RPTOR: variants seen among roughly 807,000 people sequenced by gnomAD.
RPTOR encodes the protein regulatory associated protein of MTOR complex 1.
RPTOR carries 21 observed loss-of-function variants against 169.9 expected under a neutral mutation model. The observed-to-expected ratio is 0.12, with a 90% CI of 0.09 to 0.18. The LOEUF (loss-of-function observed/expected upper bound fraction) is 0.18, where lower values mean the gene tolerates loss of function less well. Ranked by LOEUF, RPTOR falls within the 10% of genes least tolerant of loss-of-function variation. The pLI is 1.00. For missense variants in RPTOR, 1,133 were observed against 1,855.9 expected (o/e 0.61, Z 7.16); for synonymous variants, 732 against 753.2 (o/e 0.97, Z 0.46).
chr17:80,761,015 T>C (rs905704920), intron 6 of RPTOR, among the ~76,000 whole-genome samples: 2 of 152,248 alleles, frequency 1.3e-5, no homozygotes, highest in African/African-American at 4.8e-5. Flanking sequence ...GCCTGTCTTT[T>C]TCATTTTTGG....
In RPTOR at chr17:80,925,165, G is replaced by A. The variant is rs565435023; in HGVS notation, c.2809-205G>A. 9.9e-5 allele frequency among the ~76,000 whole-genome samples: 15 copies of A among 152,284 alleles called. No homozygotes were observed. In the East Asian group the frequency reaches 2.7e-3, roughly 27 times the overall value. On this transcript the variant is annotated intron_variant, in intron 23 of 33. Transcript: ENST00000306801. ...CGACGTGGCTCACACTTCACAGCCC[G>A]GGCCCCTCAATCCCTGGCCAGACGT... is the stretch of plus-strand genomic sequence containing the variant.
chr17:80,882,629 A>G (rs2068198383), intron 14 of RPTOR, among the ~76,000 whole-genome samples: 1 of 152,238 alleles, frequency 6.6e-6, no homozygotes, highest in Non-Finnish European at 1.5e-5. Context: ...CCCACAGACC[A>G]TGGCTAGAAA....
At chr17:80,700,925 T>A (rs2143061766) in intron 3 of RPTOR, among the ~76,000 whole-genome samples, 2 of 151,946 alleles carry the variant, frequency 1.3e-5, no homozygotes, top group Middle Eastern at 3.4e-3. Flanking sequence ...GTGGATGGAC[T>A]CAGTCAGGAT....
intron 25 of RPTOR, among the ~76,000 whole-genome samples, chr17:80,942,466 G>T (rs2069044235): frequency 1.3e-5 from 2 of 151,710 alleles, no homozygotes; most frequent in African/African-American, 4.9e-5. Flanking sequence ...CAAAGGAGGA[G>T]CTGCTGAGCC....
chr17:80,714,641 G>A (rs2066224930), intron 4 of RPTOR, among the ~76,000 whole-genome samples: 1 of 152,182 alleles, frequency 6.6e-6, no homozygotes, highest in South Asian at 2.1e-4. Context: ...AAATTTATAG[G>A]ATTTAGGTGT....
chr17:80,912,382 AT>A (rs1389934469), intron 21 of RPTOR, among the ~76,000 whole-genome samples: 1 of 152,152 alleles, frequency 6.6e-6, no homozygotes, highest in African/African-American at 2.4e-5. Flanking sequence ...CTTCTTGGGT[AT>A]TTTGATCATG....
chr17:80,833,150 C>T (rs954989514), intron 9 of RPTOR, among the ~76,000 whole-genome samples: 19 of 152,148 alleles, frequency 1.2e-4, no homozygotes, highest in African/African-American at 4.3e-4. Context: ...GGAGGCTGTG[C>T]GGACTTGGAC....
chr17:80,914,822 G>C (rs1471612810), intron 21 of RPTOR, among the ~76,000 whole-genome samples: 2 of 152,258 alleles, frequency 1.3e-5, no homozygotes, highest in East Asian at 3.8e-4. Flanking sequence ...GCAGGAGGCA[G>C]ACAGGGTCCT....
chr17:80,556,192 C>A lies in RPTOR; in HGVS notation c.162+10401C>A, dbSNP rs375126774. Among the ~76,000 whole-genome samples the A allele has an allele frequency of 5.8e-4, 88 of 152,102 alleles. 2 individuals are homozygous for A. In the South Asian group the frequency reaches 0.018, roughly 31 times the overall value. On this transcript the variant is annotated intron_variant, in intron 1 of 33. Transcript: ENST00000306801. ...AGAATTCTGTCTCACCTCTCCAATC[C>A]CTCTACTCCATCCACAGACAATAAG... is the stretch of plus-strand genomic sequence containing the variant.
chr17:80,869,350 G>A (rs1357939336), intron 13 of RPTOR, among the ~76,000 whole-genome samples: 2 of 152,020 alleles, frequency 1.3e-5, no homozygotes, highest in Non-Finnish European at 2.9e-5. Context: ...AGTGGACGAG[G>A]TTTCCCATGT....
Position 80,562,333 on chromosome 17 carries a change from C to T in RPTOR, c.162+16542C>T, listed in dbSNP as rs1313102002. Among the ~76,000 whole-genome samples the T allele has an allele frequency of 1.3e-5, 2 of 152,220 alleles. No homozygotes were observed. The highest frequency in any genetic ancestry group is 2.9e-5 in the Non-Finnish European group (2 of 68,044). On this transcript the variant is annotated intron_variant, in intron 1 of 33. Coordinates refer to ENST00000306801, the MANE Select transcript of RPTOR (RefSeq NM_020761.3). The surrounding 1 kb of genome is among the most constrained non-coding windows in gnomAD (Gnocchi z 4.4). Reference sequence around the variant, plus strand: ...TTGAAATTGTTGCCTAAAACGATCGCTGATCTTGTGCCCCTCAGTGTGTGG... The same window carrying T: ...TTGAAATTGTTGCCTAAAACGATCGTTGATCTTGTGCCCCTCAGTGTGTGG...
chr17:80,918,628 C>T (rs1389998031), intron 21 of RPTOR, among the ~76,000 whole-genome samples: 1 of 152,168 alleles, frequency 6.6e-6, no homozygotes, highest in Non-Finnish European at 1.5e-5. Flanking sequence ...CCAGCTTTGC[C>T]CTGAGCCCCA....
At position 80,659,063 on chromosome 17, in the gene RPTOR, G is replaced by A. The variant is rs1340573050; in HGVS notation, c.348+15253G>A. Among the ~76,000 whole-genome samples, 1 of 152,194 alleles carries A rather than the reference G, an allele frequency of 6.6e-6. No homozygotes were observed. Among genetic ancestry groups the A allele is most frequent in the African/African-American group, 2.4e-5 (1 of 41,432 alleles). ...CTAGACAGAGGCCAGTATTTGTGCC[G>A]AGAGCCACAGGGCTCACCCGTGGAG... On this transcript the variant is annotated intron_variant, in intron 3 of 33. Coordinates refer to ENST00000306801, the MANE Select transcript of RPTOR (RefSeq NM_020761.3). The surrounding 1 kb of genome is among the most constrained non-coding windows in gnomAD (Gnocchi z 4.3).
chr17:80,640,526 T>C (rs9915162), intron 2 of RPTOR, among the ~76,000 whole-genome samples: 67,348 of 152,006 alleles, frequency 0.44, 15,471 homozygotes, highest in African/African-American at 0.56. Context: ...GCGGTTATAG[T>C]GCCATGTAGC....
intron 33 of RPTOR, among the ~76,000 whole-genome samples, chr17:80,963,375 T>TCCCTGTGCGGCCCTCACCCCGTC (rs1568014812): frequency 6.7e-6 from 1 of 150,150 alleles, no homozygotes. Context: ...GGGGTGTCCA[T>TCCCTGTGCGGCCCTCACCCCGTC]CCCTGTGCGG....
intron 3 of RPTOR, among the ~76,000 whole-genome samples, chr17:80,670,632 G>C (rs747497013): frequency 1.3e-5 from 2 of 152,078 alleles, no homozygotes; most frequent in African/African-American, 2.4e-5. Context: ...TAATCCATTT[G>C]GTAACAGATG....
At chr17:80,952,774 C>T (rs191527160) in intron 28 of RPTOR, among the ~76,000 whole-genome samples, 1 of 151,896 alleles carries the variant, frequency 6.6e-6, no homozygotes, top group East Asian at 1.9e-4. Flanking sequence ...TGGGACGTGG[C>T]TGCTGCCCCC....
intron 3 of RPTOR, among the ~76,000 whole-genome samples, chr17:80,688,226 A>C (rs2065963614): frequency 6.6e-6 from 1 of 152,238 alleles, no homozygotes; most frequent in Admixed American, 6.5e-5. Context: ...TAATCTTCAC[A>C]GAAACTAGAA....
intron 3 of RPTOR, among the ~76,000 whole-genome samples, chr17:80,701,379 T>G (rs1459796393): frequency 6.6e-6 from 1 of 152,188 alleles, no homozygotes; most frequent in Non-Finnish European, 1.5e-5. Context: ...TTGGCTTTTG[T>G]TTTGTTTCTC....
Sources: allele counts gnomAD v4.1 joint callset (sites outside exome capture counted in the v4.1 genomes callset), GRCh38; gene constraint gnomAD v4.1.1; non-coding constraint Gnocchi (gnomAD v3.1); transcripts MANE v1.5; gene names NCBI Gene and HGNC (gene_info 2026-07-23, HGNC 2026-07-21).